Variants in SOX5 observed in about 807,000 individuals in gnomAD.
SOX5 encodes transcription factor SOX-5.
A neutral mutation model predicts 92.0 loss-of-function variants in SOX5; 9 were observed. The observed-to-expected ratio is 0.10, with a 90% confidence interval of 0.06 to 0.17. SOX5 has a LOEUF of 0.17. Among genes scored for constraint, SOX5 ranks in the 10% least tolerant of loss-of-function variants. SOX5 has a pLI of 1.00. For missense variants in SOX5, 642 were observed against 944.5 expected (o/e 0.68, Z 4.20); for synonymous variants, 344 against 336.3 (o/e 1.02, Z -0.25).
intron 1 of SOX5, among the ~76,000 whole-genome samples, chr12:24,383,092 T>C (rs1448296664): frequency 2.6e-5 from 4 of 152,132 alleles, no homozygotes; most frequent in Non-Finnish European, 4.4e-5. Flanking sequence ...TTATTGATTG[T>C]GATTGATTGA....
intron 1 of SOX5, among the ~76,000 whole-genome samples, chr12:24,508,533 G>A (rs748561619): frequency 3.9e-5 from 6 of 152,140 alleles, no homozygotes; most frequent in Admixed American, 6.5e-5. Flanking sequence ...TGAGATTTCC[G>A]TGAGACATCC....
chr12:23,579,554 A>G (rs574805094), intron 9 of SOX5, among the ~76,000 whole-genome samples: 2 of 152,252 alleles, frequency 1.3e-5, no homozygotes, highest in South Asian at 4.1e-4. Context: ...TTTTCTATTA[A>G]TTATTTTTCA....
chr12:24,191,257 G>T (rs751767553), intron 4 of SOX5, among the ~76,000 whole-genome samples: 2 of 152,200 alleles, frequency 1.3e-5, no homozygotes, highest in Non-Finnish European at 2.9e-5. Flanking sequence ...TAGCAGCCAG[G>T]ATCCTGGTGT....
chr12:23,844,450 C>G (rs1052898085), intron 3 of SOX5, among the ~76,000 whole-genome samples: 2 of 152,088 alleles, frequency 1.3e-5, no homozygotes, highest in African/African-American at 4.8e-5. Context: ...ATCCTATTAA[C>G]CTCATATTAA....
chr12:23,690,784 C>A (rs908737382), intron 6 of SOX5, among the ~76,000 whole-genome samples: 8 of 152,150 alleles, frequency 5.3e-5, no homozygotes, highest in African/African-American at 1.9e-4. Flanking sequence ...TTACACACAC[C>A]AGCTTGACAG....
intron 3 of SOX5, among the ~76,000 whole-genome samples, chr12:23,772,950 G>T (rs549853122): frequency 1.2e-4 from 18 of 152,204 alleles, no homozygotes; most frequent in African/African-American, 4.3e-4. Flanking sequence ...AAGCAAATCG[G>T]TATCTGCAAG....
intron 3 of SOX5, among the ~76,000 whole-genome samples, chr12:23,794,763 C>T (rs34616559): frequency 0.15 from 22,355 of 152,014 alleles, 1,661 homozygotes; most frequent in South Asian, 0.18. Flanking sequence ...GCTGATACAA[C>T]AGCTGATTAC....
chr12:23,757,839 G>C (rs374489508), intron 3 of SOX5, among the ~76,000 whole-genome samples: 2 of 151,696 alleles, frequency 1.3e-5, no homozygotes, highest in African/African-American at 4.8e-5. Context: ...ACTGTAGTGT[G>C]CTCATAAAGA....
intron 1 of SOX5, among the ~76,000 whole-genome samples, chr12:24,406,143 T>A (rs1473553515): frequency 2.0e-5 from 3 of 152,130 alleles, no homozygotes; most frequent in Non-Finnish European, 4.4e-5. Context: ...ATAAGAGGCA[T>A]GTTTTCCTAG....
In SOX5 at chr12:24,463,827, T is replaced by G. The variant is rs1318595635; in HGVS notation, c.-250-95188A>C. On this transcript the variant is annotated intron_variant, in intron 1 of 4. Coordinates refer to the SOX5 transcript ENST00000446891. ...CCTGGTCAGACGTAATTTTTTATTT[T>G]GGAACACTGACATCTATACTCTTGA... Among the ~76,000 whole-genome samples, 17 of 152,234 alleles carry G rather than the reference T, an allele frequency of 1.1e-4. 1 individual carries two copies. The highest frequency in any genetic ancestry group is 1.1e-3 in the Admixed American group (17 of 15,288).
chr12:24,124,415 G>A (rs1948910394), intron 4 of SOX5, among the ~76,000 whole-genome samples: 1 of 152,128 alleles, frequency 6.6e-6, no homozygotes, highest in African/African-American at 2.4e-5. Context: ...TCACACAAGA[G>A]GGTGAAAAGT....
intron 2 of SOX5, among the ~76,000 whole-genome samples, chr12:24,338,853 C>G (rs1386550794): frequency 6.6e-6 from 1 of 152,162 alleles, no homozygotes; most frequent in African/African-American, 2.4e-5. Context: ...ATTGTGAGGC[C>G]TCCCCAGTCA....
chr12:23,830,097 T>C (rs1594843388), intron 3 of SOX5, among the ~76,000 whole-genome samples: 2 of 152,154 alleles, frequency 1.3e-5, no homozygotes, highest in African/African-American at 2.4e-5. Flanking sequence ...TGGATACCAC[T>C]TGAAAAGGAG....
rs79148075 is a variant in SOX5, at chr12:24,551,534, C to T, written c.-251+10795G>A. Reference sequence around the variant, plus strand: ...TCCCCTGTCCATGTGGAAGCGCTGTCGTTTGTTCAATAAATATTTGCTGAG... The same window carrying T: ...TCCCCTGTCCATGTGGAAGCGCTGTTGTTTGTTCAATAAATATTTGCTGAG... On this transcript the variant is annotated intron_variant, in intron 1 of 4. Transcript: ENST00000446891. Among the ~76,000 whole-genome samples the T allele has an allele frequency of 4.2e-3, 632 of 152,278 alleles. 3 individuals are homozygous for T. The highest frequency in any genetic ancestry group is 0.014 in the African/African-American group (592 of 41,554).
At chr12:23,675,813 A>G (rs1434104989) in intron 6 of SOX5, among the ~76,000 whole-genome samples, 1 of 152,226 alleles carries the variant, frequency 6.6e-6, no homozygotes, top group East Asian at 1.9e-4. Context: ...AAACCATATA[A>G]GGAACCCAAC....
intron 6 of SOX5, among the ~76,000 whole-genome samples, chr12:23,718,893 A>G (rs2092657671): frequency 6.6e-6 from 1 of 152,184 alleles, no homozygotes; most frequent in South Asian, 2.1e-4. Context: ...GCAAAAAGGT[A>G]CCTCTTTGCA....
intron 4 of SOX5, among the ~76,000 whole-genome samples, chr12:23,997,291 T>C (rs541290890): frequency 6.6e-6 from 1 of 152,250 alleles, no homozygotes; most frequent in Admixed American, 6.5e-5. Context: ...TCAGCTTTCC[T>C]ACCAAACAGA....
At chr12:23,668,771 C>A (rs1246161565) in intron 6 of SOX5, among the ~76,000 whole-genome samples, 2 of 152,088 alleles carry the variant, frequency 1.3e-5, no homozygotes, top group African/African-American at 2.4e-5. Context: ...TAAGAGGCTA[C>A]TTCCTATATT....
chr12:23,579,187 A>T lies in SOX5; in HGVS notation c.1165-3349T>A, dbSNP rs1394326805. Among the ~76,000 whole-genome samples the T allele has an allele frequency of 2.0e-5, 3 of 152,200 alleles. No homozygotes were observed. In the East Asian group the frequency reaches 5.8e-4, roughly 29 times the overall value. On this transcript the variant is annotated intron_variant, in intron 9 of 14. Coordinates refer to ENST00000451604, the MANE Select transcript of SOX5 (RefSeq NM_006940.6). Reference sequence around the variant, plus strand: ...ATGCTGAAAGATAACTATTCAAAGCATTTATTAGAGCAAGAGACCCACTGA... The same window carrying T: ...ATGCTGAAAGATAACTATTCAAAGCTTTTATTAGAGCAAGAGACCCACTGA...
Sources: gnomAD v4.1 joint callset for allele counts (sites outside exome capture counted in the v4.1 genomes callset) on GRCh38, gnomAD v4.1.1 for gene constraint, MANE v1.5 for transcripts, NCBI Gene and HGNC (gene_info 2026-07-23, HGNC 2026-07-21) for gene names.